COL11A2: variants seen among roughly 807,000 people sequenced by gnomAD.
COL11A2 encodes collagen type XI alpha 2 chain, also known as collagen alpha-2(XI) chain.
A neutral mutation model predicts 273.4 loss-of-function variants in COL11A2; 116 were observed. The observed-to-expected ratio is 0.42, with a 90% CI of 0.36 to 0.49. The LOEUF (loss-of-function observed/expected upper bound fraction) is 0.49, where lower values mean the gene tolerates loss of function less well. Among genes scored for constraint, COL11A2 ranks in the 20% least tolerant of loss-of-function variants. The probability of loss-of-function intolerance (pLI) is 0.00; values close to 1 mark genes in which losing one functional copy is unlikely to be tolerated. For synonymous variants in COL11A2, 782 were observed against 864.2 expected (o/e 0.90, Z 1.67); for missense variants, 1,866 against 2,309.0 (o/e 0.81, Z 3.93).
chr6:33,170,230 T>C lies in COL11A2; in HGVS notation c.3582+96A>G. Reference sequence around the variant, plus strand: ...GGCCTCCCGGGAGTAAGGGCTTCTCTTGGCCCCTGAGACGATACTAGAGTT... The same window carrying C: ...GGCCTCCCGGGAGTAAGGGCTTCTCCTGGCCCCTGAGACGATACTAGAGTT... On this transcript the variant is annotated intron_variant, in intron 48 of 65. Coordinates refer to ENST00000341947, the MANE Select transcript of COL11A2 (RefSeq NM_080680.3). This position sits in a 1 kb window ranked among gnomAD's most constrained non-coding sequence, Gnocchi z 4.3. 6.4e-7 allele frequency: 1 copy of C among 1,572,724 alleles called. No homozygotes were observed. Among genetic ancestry groups the C allele is most frequent in the Non-Finnish European group, 8.7e-7 (1 of 1,146,578 alleles).
In COL11A2 at chr6:33,178,910, AG is replaced by A. The variant is rs757949069; in HGVS notation, c.1665+9del. The A allele has an allele frequency of 4.3e-6, 7 of 1,613,816 alleles. No homozygotes were observed. In the South Asian group the frequency reaches 7.7e-5, roughly 18 times the overall value. ...GCTACAGGCTTCAGGGAGGGGCCCAAGCCTGTTACCTTCACTCCAGGATCTC... is the reference window on the plus strand; with the variant it reads ...GCTACAGGCTTCAGGGAGGGGCCCAACCTGTTACCTTCACTCCAGGATCTC... On this transcript the variant is annotated intron_variant, in intron 17 of 65. Transcript: ENST00000341947. This position sits in a 1 kb window ranked among gnomAD's most constrained non-coding sequence, Gnocchi z 4.6.
rs1482248097 is a variant in COL11A2, at chr6:33,189,276, T to A, written c.232+44A>T. 4 of 1,613,838 alleles carry A rather than the reference T, an allele frequency of 2.5e-6. No homozygotes were observed. In the South Asian group the frequency reaches 4.4e-5, roughly 18 times the overall value. ...TCCTGGTGTCTGATCCTAGGCCCCA[T>A]CCCATTACCTCCCCCCAGGCCTACC... On this transcript the variant is annotated intron_variant, in intron 2 of 65. Transcript: ENST00000341947. The surrounding 1 kb of genome is among the most constrained non-coding windows in gnomAD (Gnocchi z 5.6).
Position 33,168,712 on chromosome 6 carries a change from T to A in COL11A2, c.3900A>T (p.Gly1300=). The change falls in exon 53 of 66, where the codon GGA becomes GGT. Residue 1300 remains glycine (G), a synonymous_variant. Coordinates refer to ENST00000341947, the MANE Select transcript of COL11A2 (RefSeq NM_080680.3). ...KGDRGEDGEP[G]QPGSPGPTGE... is the part of the protein sequence containing the mutation. ...GGGGTCACCAGGCACTCACAGGCTG[T>A]CCTGGCTCACCATCCTCGCCTCGGT... 1.3e-6 allele frequency: 2 copies of A among 1,592,450 alleles called. No homozygotes were observed. The highest frequency in any genetic ancestry group is 1.7e-6 in the Non-Finnish European group (2 of 1,169,130).
chr6:33,189,625 G>A lies in COL11A2; in HGVS notation c.83-156C>T, dbSNP rs56329842. Among the ~76,000 whole-genome samples, 915 of 152,274 alleles carry A rather than the reference G, an allele frequency of 6.0e-3. 7 individuals carry two copies. Among genetic ancestry groups the A allele is most frequent in the East Asian group, 0.011 (59 of 5,186 alleles). ...CTTGCTTCTGAACAGTACCTGAATG[G>A]ATGGGAAATGCAAAGGTACCTGGAG... On this transcript the variant is annotated intron_variant, in intron 1 of 65. Coordinates refer to ENST00000341947, the MANE Select transcript of COL11A2 (RefSeq NM_080680.3). The surrounding 1 kb of genome is among the most constrained non-coding windows in gnomAD (Gnocchi z 5.6).
chr6:33,171,447 G>A lies in COL11A2; in HGVS notation c.3258+20C>T, dbSNP rs1770047007. ...CTCATCTGGAAAGAAGATTGGTCGG[G>A]GTCTGTGGGGTCCCCTCACCTTGTC... On this transcript the variant is annotated intron_variant, in intron 43 of 65. Transcript: ENST00000341947. 1 of 1,611,818 alleles carries A rather than the reference G, an allele frequency of 6.2e-7. No homozygotes were observed. The highest frequency in any genetic ancestry group is 8.5e-7 in the Non-Finnish European group (1 of 1,178,606).
chr6:33,173,854 C>G lies in COL11A2; in HGVS notation c.2583+19G>C, dbSNP rs759757404. 1 of 1,613,946 alleles carries G rather than the reference C, an allele frequency of 6.2e-7. No homozygotes were observed. The highest frequency in any genetic ancestry group is 8.5e-7 in the Non-Finnish European group (1 of 1,179,902). ...CTGAGTGGGCAGGGGGCAGTTGGAG[C>G]CTTGTAGAGACCATTCACCTTAGCT... On this transcript the variant is annotated intron_variant, in intron 34 of 65. Transcript: ENST00000341947. This position sits in a 1 kb window ranked among gnomAD's most constrained non-coding sequence, Gnocchi z 6.3.
Position 33,175,556 on chromosome 6 carries a change from G to C in COL11A2, c.2376+18C>G. The C allele has an allele frequency of 6.2e-7, 1 of 1,608,694 alleles. No individual in the cohort carries two copies. Among genetic ancestry groups the C allele is most frequent in the Non-Finnish European group, 8.5e-7 (1 of 1,176,718 alleles). On this transcript the variant is annotated intron_variant, in intron 30 of 65. Transcript: ENST00000341947. ...CACACCCCCAGAGGACCCAGGCACA[G>C]AACCCTCATCCCATCACCTTCTCGC...
chr6:33,175,510 G>A (rs769568217), intron 30 of COL11A2, 64 bp downstream of exon 30: 1 of 1,396,350 alleles, frequency 7.2e-7, no homozygotes, highest in Admixed American at 1.7e-5. Flanking sequence ...GGGCACCCAT[G>A]CCCATCCTGA....
In COL11A2 at chr6:33,178,466, A is replaced by G. The variant is rs767424062; in HGVS notation, c.1742T>C (p.Leu581Pro). The G allele has an allele frequency of 1.2e-6, 2 of 1,612,956 alleles. No homozygotes were observed. The highest frequency in any genetic ancestry group is 1.7e-6 in the Non-Finnish European group (2 of 1,179,966). The change falls in exon 19 of 66, where the codon CTT becomes CCT. Residue 581 changes from leucine to proline, a missense_variant. By Grantham distance (98) the Leu-to-Pro change is moderately conservative. Transcript: ENST00000341947. This position sits in a 1 kb window ranked among gnomAD's most constrained non-coding sequence, Gnocchi z 4.6. ...TCCATCCTCACCAGGGGGACCAGGA[A>G]GGCCCTGGGCACCAGTATCACCCTG... Reference protein sequence around the residue: ...GHRGDTGAQGLPGPPGEDGER... With the variant: ...GHRGDTGAQGPPGPPGEDGER...
chr6:33,169,785 G>A lies in COL11A2; in HGVS notation c.3690+46C>T, dbSNP rs199833905. The A allele has an allele frequency of 5.9e-4, 944 of 1,611,306 alleles. No homozygotes were observed. The highest frequency in any genetic ancestry group is 7.5e-4 in the Non-Finnish European group (884 of 1,177,598). ...CAGGAAAAGTGGAGGCAGGGTTGAGGCGGGTGACGGGGACTGGGGAGTAAG... is the reference window on the plus strand; with the variant it reads ...CAGGAAAAGTGGAGGCAGGGTTGAGACGGGTGACGGGGACTGGGGAGTAAG... On this transcript the variant is annotated intron_variant, in intron 50 of 65. Coordinates refer to ENST00000341947, the MANE Select transcript of COL11A2 (RefSeq NM_080680.3). This position sits in a 1 kb window ranked among gnomAD's most constrained non-coding sequence, Gnocchi z 5.5.
chr6:33,193,494 G>C (rs1583401557), upstream of COL11A2: 1 of 144,682 alleles, frequency 6.9e-6, no homozygotes, highest in Non-Finnish European at 1.5e-5. Context: ...ACGGAACCTC[G>C]GCGGCGGCGT....
Position 33,170,712 on chromosome 6 carries a change from C to T in COL11A2, c.3474+98G>A. On this transcript the variant is annotated intron_variant, in intron 46 of 65. Transcript: ENST00000341947. The surrounding 1 kb of genome is among the most constrained non-coding windows in gnomAD (Gnocchi z 4.3). ...TCCCCTCCCCTCAGACTCCGCAGGC[C>T]CTCCAGTCTGCATCGGCAGGCTGCT... is the stretch of plus-strand genomic sequence containing the variant. The T allele has an allele frequency of 6.3e-7, 1 of 1,583,838 alleles. No individual in the cohort carries two copies. The highest frequency in any genetic ancestry group is 8.7e-7 in the Non-Finnish European group (1 of 1,153,514).
At position 33,175,555 on chromosome 6, in the gene COL11A2, A is replaced by G; in HGVS notation, c.2376+19T>C. On this transcript the variant is annotated intron_variant, in intron 30 of 65. Transcript: ENST00000341947. ...CCACACCCCCAGAGGACCCAGGCAC[A>G]GAACCCTCATCCCATCACCTTCTCG... The G allele has an allele frequency of 6.2e-7, 1 of 1,608,156 alleles. No individual in the cohort carries two copies.
intron 5 of COL11A2, 52 bp downstream of exon 5, chr6:33,186,575 G>A (rs1414040554): frequency 1.2e-6 from 2 of 1,613,860 alleles, no homozygotes; most frequent in East Asian, 2.2e-5. Context: ...ATGCCTGGGT[G>A]TCTTCCCTCT....
At position 33,166,414 on chromosome 6, in the gene COL11A2, G is replaced by T; in HGVS notation, c.4392+99C>A. The T allele has an allele frequency of 7.0e-7, 1 of 1,434,044 alleles. No homozygotes were observed. 88.8% of individuals were successfully genotyped at this position (1,434,044 alleles called of 1,614,324 possible). ...ACAAATGGGGGACCCTGAGGACTATGCTTGTTAGGCTGGTAGTTCCATGGA... is the reference window on the plus strand; with the variant it reads ...ACAAATGGGGGACCCTGAGGACTATTCTTGTTAGGCTGGTAGTTCCATGGA... On this transcript the variant is annotated intron_variant, in intron 60 of 65. Coordinates refer to ENST00000341947, the MANE Select transcript of COL11A2 (RefSeq NM_080680.3). The surrounding 1 kb of genome is among the most constrained non-coding windows in gnomAD (Gnocchi z 4.8).
Position 33,166,545 on chromosome 6 carries a change from G to A in COL11A2, c.4360C>T (p.Pro1454Ser). 1 of 1,613,772 alleles carries A rather than the reference G, an allele frequency of 6.2e-7. No individual in the cohort carries two copies. Among genetic ancestry groups the A allele is most frequent in the African/African-American group, 1.3e-5 (1 of 74,950 alleles). The change falls in exon 60 of 66, where the codon CCC becomes TCC. Residue 1454 changes from proline to serine, a missense_variant. Physicochemically the swap from Pro to Ser is moderately conservative, Grantham distance 74. Transcript: ENST00000341947. The surrounding 1 kb of genome is among the most constrained non-coding windows in gnomAD (Gnocchi z 4.8). ...CCGGGGGGACCTCCAGGACCAATGG[G>A]GCCGGATGCTCCTGGGATACCCTAG... ...GEMGIPGASG[P>S]IGPGGPPGLP... is the part of the protein sequence containing the mutation.
Position 33,164,980 on chromosome 6 carries a change from GA to G in COL11A2, c.4751-17del. 14 of 1,559,446 alleles carry G rather than the reference GA, an allele frequency of 9.0e-6. No individual in the cohort carries two copies. The highest frequency in any genetic ancestry group is 1.2e-5 in the Non-Finnish European group (14 of 1,149,892). On this transcript the variant is annotated splice_polypyrimidine_tract_variant and intron_variant, in intron 63 of 65. Transcript: ENST00000341947. The surrounding 1 kb of genome is among the most constrained non-coding windows in gnomAD (Gnocchi z 4.7). ...CAGTACTCTCCTGTTGGGTGAGGGA[GA>G]GGGGAGGTCAGGGCCACCTAGGTCC...
In COL11A2 at chr6:33,163,570, A is replaced by T. The variant is rs1403728589; in HGVS notation, c.*108T>A. 1.9e-6 allele frequency: 3 copies of T among 1,572,178 alleles called. No individual in the cohort carries two copies. Among genetic ancestry groups the T allele is most frequent in the Admixed American group, 3.4e-5 (2 of 59,660 alleles). On this transcript the variant is annotated 3_prime_UTR_variant, in exon 66 of 66. Transcript: ENST00000341947. The surrounding 1 kb of genome is among the most constrained non-coding windows in gnomAD (Gnocchi z 4.1). Reference sequence around the variant, plus strand: ...CTGAGGGCTCTCCACGCCCTGGCCCAGGGCTCCCTAGATAGTGAGGAGCCC... The same window carrying T: ...CTGAGGGCTCTCCACGCCCTGGCCCTGGGCTCCCTAGATAGTGAGGAGCCC...
chr6:33,170,467 CA>C lies in COL11A2; in HGVS notation c.3528+89del, dbSNP rs1769877281. 1 of 1,565,948 alleles carries C rather than the reference CA, an allele frequency of 6.4e-7. No individual in the cohort carries two copies. The highest frequency in any genetic ancestry group is 1.4e-5 in the African/African-American group (1 of 70,520). ...GAGAGAGGAGGAGGAGCAGCCAGGCCAGGGAGTTGGCAGTGGGGTGTGGGGT... is the reference window on the plus strand; with the variant it reads ...GAGAGAGGAGGAGGAGCAGCCAGGCCGGGAGTTGGCAGTGGGGTGTGGGGT... On this transcript the variant is annotated intron_variant, in intron 47 of 65. Transcript: ENST00000341947. The surrounding 1 kb of genome is among the most constrained non-coding windows in gnomAD (Gnocchi z 4.3).
Sources: gnomAD v4.1 joint callset for allele counts (sites outside exome capture counted in the v4.1 genomes callset) on GRCh38, gnomAD v4.1.1 for gene constraint, Gnocchi (gnomAD v3.1) non-coding constraint, MANE v1.5 for transcripts, NCBI Gene and HGNC (gene_info 2026-07-23, HGNC 2026-07-21) for gene names.